The following CSPP1 variants were observed in gnomAD, a reference collection of about 807,000 sequenced individuals.
CSPP1 encodes the protein centrosome and spindle pole-associated protein 1.
In CSPP1, 126 loss-of-function variants were observed where a neutral mutation model predicts 164.4. The ratio of observed to expected loss-of-function variants is 0.77; its 90% confidence interval spans 0.66 to 0.89. The LOEUF (loss-of-function observed/expected upper bound fraction) is 0.89. Among genes scored for constraint, CSPP1 ranks in the 40% least tolerant of loss-of-function variants. The pLI, the probability that CSPP1 is intolerant of heterozygous loss-of-function variation, is 0.00. For synonymous variants in CSPP1, 472 were observed against 476.7 expected, an observed-to-expected ratio of 0.99 and a Z score of 0.13; for missense variants, 1,395 against 1,449.8, an observed-to-expected ratio of 0.96 and a Z score of 0.61.
chr8:67,087,793 T>A (rs565749083), intron 4 of CSPP1, among the ~76,000 whole-genome samples: 1 of 152,334 alleles, frequency 6.6e-6, no homozygotes, highest in Admixed American at 6.5e-5. Context: ...GTGATGAGCA[T>A]CATACTTTCT....
At position 67,124,936 on chromosome 8, in the gene CSPP1, G is replaced by A. The variant is rs80255246; in HGVS notation, c.1697+6115G>A. Among the ~76,000 whole-genome samples the A allele has an allele frequency of 9.6e-4, 146 of 152,230 alleles. 4 individuals are homozygous for A. In the East Asian group the frequency reaches 0.015, roughly 15 times the overall value. On this transcript the variant is annotated intron_variant, in intron 15 of 30. Coordinates refer to ENST00000678616, the MANE Select transcript of CSPP1 (RefSeq NM_001382391.1). ...CCTCAAACCACCTTGGTCTCCCAAA[G>A]TGCTGGGATTATAGATGTGAGCCAT...
intron 15 of CSPP1, among the ~76,000 whole-genome samples, chr8:67,122,105 A>T (rs1429439988): frequency 6.6e-6 from 1 of 151,588 alleles, no homozygotes; most frequent in African/African-American, 2.4e-5. Context: ...TTAATAGAAG[A>T]TTCAGAGCCT....
At chr8:67,136,144 T>C (rs752080928) in intron 16 of CSPP1, among the ~76,000 whole-genome samples, 36 of 152,068 alleles carry the variant, frequency 2.4e-4, no homozygotes, top group African/African-American at 3.6e-4. Context: ...TAATAATAAT[T>C]TAAAAAGTTT....
chr8:67,116,010 C>A lies in CSPP1; in HGVS notation c.1384C>A (p.Pro462Thr). 6.2e-7 allele frequency: 1 copy of A among 1,614,004 alleles called. No individual in the cohort carries two copies. Among genetic ancestry groups the A allele is most frequent in the Non-Finnish European group, 8.5e-7 (1 of 1,179,870 alleles). ...AATAGCTTTCCAGACACCTCTCCCT[C>A]CTTTATCTGCCCCATCTGTCCCACC... ...PRIAFQTPLP[P>T]LSAPSVPPIP... Residue 462 changes from proline to threonine, a missense_variant, in exon 13 of 31, where the codon CCT (proline) becomes ACT (threonine). Pro to Thr is a conservative substitution (Grantham distance 38). Coordinates refer to ENST00000678616, the MANE Select transcript of CSPP1 (RefSeq NM_001382391.1).
chr8:67,168,533 A>G (rs1266967202), intron 24 of CSPP1, among the ~76,000 whole-genome samples: 1 of 152,112 alleles, frequency 6.6e-6, no homozygotes, highest in Non-Finnish European at 1.5e-5. Context: ...TGTATTTGAA[A>G]TAAATAAATA....
At chr8:67,101,541 T>C (rs1814114782) in intron 7 of CSPP1, among the ~76,000 whole-genome samples, 1 of 152,160 alleles carries the variant, frequency 6.6e-6, no homozygotes, top group African/African-American at 2.4e-5. Context: ...GTGGTAGAAG[T>C]AGGGAATGAC....
chr8:67,107,311 G>C (rs1401776636), intron 9 of CSPP1, among the ~76,000 whole-genome samples: 5 of 152,186 alleles, frequency 3.3e-5, no homozygotes, highest in African/African-American at 9.6e-5. Flanking sequence ...GCCTCCCAAA[G>C]TGCTGGGATT....
At position 67,154,024 on chromosome 8, in the gene CSPP1, G is replaced by T. The variant is rs780885390; in HGVS notation, c.2129G>T (p.Gly710Val). 6.6e-7 allele frequency: 1 copy of T among 1,526,096 alleles called. No individual in the cohort carries two copies. The highest frequency in any genetic ancestry group is 9.1e-7 in the Non-Finnish European group (1 of 1,102,932). 94.5% of individuals were successfully genotyped at this position (1,526,096 alleles called of 1,614,324 possible). A position where few individuals can be genotyped will look rare whatever the true frequency, so the allele number is the denominator to read the frequency against. The stretch of plus-strand genomic sequence containing the variant: ...GTTTTTGCAAAATATTTCTTTCAAG[G>T]TCATATGCAAACACAGAGCTCTCCT... Reference protein sequence around the residue: ...NLEDAANKSSGHMQTQSSPFA... With the variant: ...NLEDAANKSSVHMQTQSSPFA... The change falls in exon 19 of 31, where the codon GGT (glycine) becomes GTT (valine). Residue 710 changes from glycine to valine, a missense_variant and splice_region_variant. Coordinates refer to ENST00000678616, the MANE Select transcript of CSPP1 (RefSeq NM_001382391.1).
intron 24 of CSPP1, among the ~76,000 whole-genome samples, chr8:67,170,242 C>T (rs946040802): frequency 3.3e-5 from 5 of 149,426 alleles, no homozygotes; most frequent in Admixed American, 1.3e-4. Context: ...GTCAGGAGTT[C>T]GAGACCAGCC....
chr8:67,084,955 C>G (rs913364336), intron 3 of CSPP1, among the ~76,000 whole-genome samples: 1 of 152,116 alleles, frequency 6.6e-6, no homozygotes, highest in Non-Finnish European at 1.5e-5. Context: ...ATATAATTTA[C>G]ACACCATAAC....
chr8:67,102,113 T>C (rs1814247598), intron 7 of CSPP1, among the ~76,000 whole-genome samples: 1 of 152,232 alleles, frequency 6.6e-6, no homozygotes, highest in Non-Finnish European at 1.5e-5. Flanking sequence ...ACAGAAAACA[T>C]GCTAATCTTT....
rs1467143677 is a variant in CSPP1, at chr8:67,116,083, G to A, written c.1457G>A (p.Ser486Asn). The change falls in exon 13 of 31, where the codon AGT (serine) becomes AAT (asparagine). Residue 486 changes from serine to asparagine, a missense_variant. Transcript: ENST00000678616. Reference sequence around the variant, plus strand: ...CCTTCTCAAAATGAAGATTTGCGCAGTGGACTCAGCAGCGCCCTTGGTGAA... The same window carrying A: ...CCTTCTCAAAATGAAGATTTGCGCAATGGACTCAGCAGCGCCCTTGGTGAA... ...PVPSQNEDLR[S>N]GLSSALGEMV... 1 of 1,614,116 alleles carries A rather than the reference G, an allele frequency of 6.2e-7. No individual in the cohort carries two copies. The highest frequency in any genetic ancestry group is 1.1e-5 in the South Asian group (1 of 91,084).
At chr8:67,188,892 G>A (rs1164706448) in intron 28 of CSPP1, among the ~76,000 whole-genome samples, 1 of 152,170 alleles carries the variant, frequency 6.6e-6, no homozygotes, top group Non-Finnish European at 1.5e-5. Context: ...TTCTAATAGA[G>A]CTTTAACATT....
chr8:67,129,752 C>G (rs533671598), intron 15 of CSPP1, among the ~76,000 whole-genome samples: 1 of 152,230 alleles, frequency 6.6e-6, no homozygotes, highest in South Asian at 2.1e-4. Context: ...TGAATCTATA[C>G]ATACTATATT....
At chr8:67,108,371 C>T (rs562188385) in intron 9 of CSPP1, among the ~76,000 whole-genome samples, 153 of 149,944 alleles carry the variant, frequency 1.0e-3, no homozygotes, top group African/African-American at 3.5e-3. Flanking sequence ...CACTGTACTC[C>T]AACTTGGGTG....
intron 28 of CSPP1, among the ~76,000 whole-genome samples, chr8:67,186,973 CT>C (rs1421827107): frequency 4.2e-5 from 3 of 70,926 alleles, no homozygotes; most frequent in East Asian, 7.3e-4. Flanking sequence ...TATCTATCAT[CT>C]ATCTATCTAT....
In CSPP1 at chr8:67,116,866, A is replaced by G. The variant is rs928293370; in HGVS notation, c.1496+744A>G. 2.1e-4 allele frequency among the ~76,000 whole-genome samples: 32 copies of G among 152,106 alleles called. 1 individual carries two copies. Among genetic ancestry groups the G allele is most frequent in the Admixed American group, 1.5e-3 (23 of 15,264 alleles). ...ACATTGATATTTTCTGGACTGTATTATTTCAGTAGAAGTTGGTCTTTTAGT... is the reference window on the plus strand; with the variant it reads ...ACATTGATATTTTCTGGACTGTATTGTTTCAGTAGAAGTTGGTCTTTTAGT... On this transcript the variant is annotated intron_variant, in intron 13 of 30. Transcript: ENST00000678616.
chr8:67,132,049 T>A lies in CSPP1; in HGVS notation c.1796T>A (p.Leu599His). The A allele has an allele frequency of 6.2e-7, 1 of 1,613,746 alleles. No homozygotes were observed. The highest frequency in any genetic ancestry group is 1.1e-5 in the South Asian group (1 of 90,994). The change falls in exon 16 of 31, where the codon CTT becomes CAT. Residue 599 changes from leucine to histidine, a missense_variant. Leu to His is a moderately conservative substitution (Grantham distance 99). Coordinates refer to ENST00000678616, the MANE Select transcript of CSPP1 (RefSeq NM_001382391.1). The part of the protein sequence containing the change: ...EDKPKPSKQS[L>H]QSYQEALQQQ... Reference sequence around the variant, plus strand: ...AAACCGAAACCTTCCAAACAGTCACTTCAGTCTTACCAAGAGGCTTTGCAG... The same window carrying A: ...AAACCGAAACCTTCCAAACAGTCACATCAGTCTTACCAAGAGGCTTTGCAG...
chr8:67,073,748 G>GA (rs1215953387), intron 1 of CSPP1, among the ~76,000 whole-genome samples: 3 of 152,124 alleles, frequency 2.0e-5, no homozygotes, highest in Admixed American at 2.0e-4. Context: ...AATAATTTTA[G>GA]AAAAAATTGT....
Sources: gnomAD v4.1 joint callset for allele counts (sites outside exome capture counted in the v4.1 genomes callset) on GRCh38, gnomAD v4.1.1 for gene constraint, MANE v1.5 for transcripts, NCBI Gene and HGNC (gene_info 2026-07-23, HGNC 2026-07-21) for gene names.